RAB3C: variants seen among roughly 807,000 people sequenced by gnomAD.
RAB3C encodes RAB3C, member RAS oncogene family.
RAB3C carries 17 observed loss-of-function variants against 26.4 expected under a neutral mutation model. That is an observed-to-expected ratio of 0.64 (90% CI 0.44 to 0.97). The LOEUF (loss-of-function observed/expected upper bound fraction) is 0.97. Among genes scored for constraint, RAB3C ranks in the 50% least tolerant of loss-of-function variants. The probability of loss-of-function intolerance (pLI) is 0.00; values close to 1 mark genes in which losing one functional copy is unlikely to be tolerated. For synonymous variants in RAB3C, 91 were observed against 95.9 expected (o/e 0.95, Z 0.30); for missense variants, 242 against 281.9 (o/e 0.86, Z 1.01).
chr5:58,605,208 G>T (rs290570), intron 1 of RAB3C, among the ~76,000 whole-genome samples: 78,116 of 151,796 alleles, frequency 0.51, 20,470 homozygotes, highest in Admixed American at 0.59. Flanking sequence ...CCATCAGAGG[G>T]TCTGTGGGTC....
At chr5:58,621,052 T>A (rs1174266879) in intron 2 of RAB3C, among the ~76,000 whole-genome samples, 1 of 152,232 alleles carries the variant, frequency 6.6e-6, no homozygotes, top group Non-Finnish European at 1.5e-5. Context: ...CACAGATGGC[T>A]TGTCATCTCA....
chr5:58,618,811 G>C (rs748692081), intron 2 of RAB3C, among the ~76,000 whole-genome samples: 2 of 152,046 alleles, frequency 1.3e-5, no homozygotes, highest in Non-Finnish European at 2.9e-5. Context: ...AAATTGATTT[G>C]ATCTGTAATC....
chr5:58,733,654 G>A (rs142222227), intron 3 of RAB3C, among the ~76,000 whole-genome samples: 1 of 152,182 alleles, frequency 6.6e-6, no homozygotes, highest in Non-Finnish European at 1.5e-5. Context: ...ATTTGTTAAA[G>A]AGATAGGTCC....
Position 58,851,739 on chromosome 5 carries a change from TG to T in RAB3C, c.*389del, listed in dbSNP as rs1310274363. 167 of 5,914 alleles carry T rather than the reference TG, an allele frequency of 0.028. 1 individual carries two copies. Among genetic ancestry groups the T allele is most frequent in the African/African-American group, 0.11 (147 of 1,296 alleles). The allele number at this position is 5,914 out of a possible 1,614,324, so 0.4% of individuals were successfully genotyped here. On this transcript the variant is annotated 3_prime_UTR_variant, in exon 5 of 5. Coordinates refer to ENST00000282878, the MANE Select transcript of RAB3C (RefSeq NM_138453.4). ...TAGGAATGATGACCAAGGAATTGCT[TG>T]TGTGTGTGTGTGTGTGTGTGTGTGT...
chr5:58,619,152 T>C (rs923325444), intron 2 of RAB3C, among the ~76,000 whole-genome samples: 4 of 152,146 alleles, frequency 2.6e-5, no homozygotes, highest in Non-Finnish European at 5.9e-5. Context: ...CAATAGGCTG[T>C]TACTATTTTA....
intron 2 of RAB3C, among the ~76,000 whole-genome samples, chr5:58,621,965 G>A (rs425203): frequency 0.37 from 55,791 of 152,034 alleles, 10,439 homozygotes; most frequent in Admixed American, 0.44. Flanking sequence ...TTCTTGTCAC[G>A]TGCTGCATAG....
At chr5:58,772,456 T>A (rs1432586623) in intron 3 of RAB3C, among the ~76,000 whole-genome samples, 1 of 152,102 alleles carries the variant, frequency 6.6e-6, no homozygotes, top group Non-Finnish European at 1.5e-5. Context: ...AGAAAGGACT[T>A]CAGGGAAGAA....
At chr5:58,764,040 T>C (rs1579906090) in intron 3 of RAB3C, among the ~76,000 whole-genome samples, 1 of 152,160 alleles carries the variant, frequency 6.6e-6, no homozygotes, top group South Asian at 2.1e-4. Flanking sequence ...CTTTAAAAAA[T>C]AGAAGAAAAA....
chr5:58,600,098 A>G (rs558829538), intron 1 of RAB3C, among the ~76,000 whole-genome samples: 1 of 152,114 alleles, frequency 6.6e-6, no homozygotes, highest in South Asian at 2.1e-4. Flanking sequence ...CCAGTTGTTG[A>G]AAAAGGGGGA....
chr5:58,651,809 T>C (rs1038276649), intron 2 of RAB3C, among the ~76,000 whole-genome samples: 4 of 152,128 alleles, frequency 2.6e-5, no homozygotes, highest in African/African-American at 4.8e-5. Context: ...TATACCAAAA[T>C]TGCCTGATGC....
chr5:58,749,598 T>G (rs2111960175), intron 3 of RAB3C, among the ~76,000 whole-genome samples: 1 of 152,276 alleles, frequency 6.6e-6, no homozygotes, highest in Admixed American at 6.5e-5. Flanking sequence ...AATATGGGGT[T>G]TGTCAAAGGA....
At chr5:58,726,257 T>TA (rs112085811) in intron 3 of RAB3C, 137 bp downstream of exon 3, 24,988 of 481,784 alleles carry the variant, frequency 0.052, 559 homozygotes, top group Middle Eastern at 0.079. Flanking sequence ...GTGCTTCATT[T>TA]AAAAAAAAAT....
At chr5:58,828,932 C>G (rs1157729858) in intron 4 of RAB3C, among the ~76,000 whole-genome samples, 3 of 124,964 alleles carry the variant, frequency 2.4e-5, no homozygotes, top group African/African-American at 9.2e-5. Flanking sequence ...TGGATGGAGT[C>G]TCGTTCTGTC....
In RAB3C at chr5:58,616,216, A is replaced by G. The variant is rs376609905; in HGVS notation, c.25-1427A>G. The stretch of plus-strand genomic sequence containing the variant: ...AATAGAGTTTTCTGCAATTATGCCA[A>G]TGTTCTGTATTTGCACTGTCCAGTA... On this transcript the variant is annotated intron_variant, in intron 1 of 4. Coordinates refer to ENST00000282878, the MANE Select transcript of RAB3C (RefSeq NM_138453.4). Among the ~76,000 whole-genome samples, 185 of 152,326 alleles carry G rather than the reference A, an allele frequency of 1.2e-3. 1 individual carries two copies. The highest frequency in any genetic ancestry group is 7.4e-4 in the Non-Finnish European group (50 of 68,026).
intron 2 of RAB3C, among the ~76,000 whole-genome samples, chr5:58,619,310 A>G (rs966400462): frequency 6.6e-6 from 1 of 152,160 alleles, no homozygotes; most frequent in African/African-American, 2.4e-5. Flanking sequence ...CTTGACCTCA[A>G]TTAATGGAGA....
rs1377573649 is a variant in RAB3C, at chr5:58,612,311, A to G, written c.25-5332A>G. Reference sequence around the variant, plus strand: ...AATAGGAATATCATTGAATCTATAAATTGCTTTGGGCAGTATACCCATTTT... The same window carrying G: ...AATAGGAATATCATTGAATCTATAAGTTGCTTTGGGCAGTATACCCATTTT... On this transcript the variant is annotated intron_variant, in intron 1 of 4. Coordinates refer to ENST00000282878, the MANE Select transcript of RAB3C (RefSeq NM_138453.4). 2.6e-5 allele frequency among the ~76,000 whole-genome samples: 4 copies of G among 151,970 alleles called. No individual in the cohort carries two copies. The East Asian group carries it at 5.8e-4, about 22-fold the overall frequency.
chr5:58,717,129 A>G (rs1749188420), intron 2 of RAB3C, among the ~76,000 whole-genome samples: 1 of 152,084 alleles, frequency 6.6e-6, no homozygotes, highest in Non-Finnish European at 1.5e-5. Context: ...TGCTTTTTAA[A>G]AAGTTGATTA....
At chr5:58,793,327 G>A (rs986123001) in intron 3 of RAB3C, among the ~76,000 whole-genome samples, 21 of 152,134 alleles carry the variant, frequency 1.4e-4, no homozygotes, top group African/African-American at 4.6e-4. Flanking sequence ...GGGGGGCCGA[G>A]GCAGGCAGAT....
intron 3 of RAB3C, among the ~76,000 whole-genome samples, chr5:58,735,184 C>T (rs947629971): frequency 6.6e-6 from 1 of 152,128 alleles, no homozygotes; most frequent in Non-Finnish European, 1.5e-5. Flanking sequence ...TCACCTGCAA[C>T]GAGCACAAAA....
Sources: gnomAD v4.1 joint callset for allele counts (sites outside exome capture counted in the v4.1 genomes callset) on GRCh38, gnomAD v4.1.1 for gene constraint, MANE v1.5 for transcripts, NCBI Gene and HGNC (gene_info 2026-07-23, HGNC 2026-07-21) for gene names.